The following LUC7L2 variants were observed in gnomAD, a reference collection of about 807,000 sequenced individuals.
LUC7L2 encodes LUC7 like 2, pre-mRNA splicing factor.
In LUC7L2, 25 loss-of-function variants were observed where a neutral mutation model predicts 52.8. The observed-to-expected ratio is 0.47, with a 90% confidence interval of 0.34 to 0.66. The LOEUF is 0.66. Among genes scored for constraint, LUC7L2 ranks in the 30% least tolerant of loss-of-function variants. The pLI, the probability that LUC7L2 is intolerant of heterozygous loss-of-function variation, is 0.01. For missense variants in LUC7L2, 328 were observed against 497.8 expected (o/e 0.66, Z 3.25); for synonymous variants, 144 against 160.9 (o/e 0.89, Z 0.80).
At chr7:139,408,910 T>G (rs1044030078) in intron 6 of LUC7L2, among the ~76,000 whole-genome samples, 1 of 149,916 alleles carries the variant, frequency 6.7e-6, no homozygotes, top group Non-Finnish European at 1.5e-5. Context: ...CACTTTGGGA[T>G]GCCAAGGTGG....
intron 2 of LUC7L2, among the ~76,000 whole-genome samples, chr7:139,377,311 T>C (rs1289757988): frequency 6.6e-6 from 1 of 152,178 alleles, no homozygotes; most frequent in Admixed American, 6.5e-5. Flanking sequence ...TTCAAGCGAT[T>C]CTCCTGCCTC....
chr7:139,363,976 C>CTTTT (rs1169793101), intron 1 of LUC7L2, among the ~76,000 whole-genome samples: 8 of 96,078 alleles, frequency 8.3e-5, no homozygotes, highest in African/African-American at 1.7e-4. Flanking sequence ...AGATTACATC[C>CTTTT]TTTTTTTTTT....
chr7:139,358,983 G>T (rs1799714493), upstream of LUC7L2: 2 of 152,332 alleles, frequency 1.3e-5, no homozygotes, highest in Non-Finnish European at 2.9e-5. Context: ...GCCCGGCAAG[G>T]AATTAATATT....
intron 7 of LUC7L2, among the ~76,000 whole-genome samples, chr7:139,410,999 A>C (rs141702092): frequency 2.6e-5 from 4 of 152,186 alleles, no homozygotes; most frequent in East Asian, 1.9e-4. Context: ...GCTTTTATCT[A>C]CTTGTTCTTT....
chr7:139,405,456 T>C (rs1416096728), intron 4 of LUC7L2, among the ~76,000 whole-genome samples, 188 bp from the exon 5 acceptor site: 6 of 152,278 alleles, frequency 3.9e-5, no homozygotes, highest in African/African-American at 4.8e-5. Context: ...CCTGACTTCA[T>C]TGAGGTAAGG....
chr7:139,407,548 A>G (rs1795179377), intron 6 of LUC7L2, among the ~76,000 whole-genome samples, 198 bp downstream of exon 6: 1 of 152,206 alleles, frequency 6.6e-6, no homozygotes, highest in African/African-American at 2.4e-5. Context: ...TTATCCTGTT[A>G]TTTTGGGAGT....
At position 139,422,598 on chromosome 7, in the gene LUC7L2, T is replaced by C; in HGVS notation, c.*258T>C. The C allele has an allele frequency of 1.4e-6, 1 of 722,158 alleles. No homozygotes were observed. The highest frequency in any genetic ancestry group is 1.9e-6 in the Non-Finnish European group (1 of 521,008). The allele number at this position is 722,158 out of a possible 1,614,324, so 44.7% of individuals were successfully genotyped here. A position where few individuals can be genotyped will look rare whatever the true frequency, so the allele number is the denominator to read the frequency against. On this transcript the variant is annotated 3_prime_UTR_variant, in exon 10 of 10. Transcript: ENST00000354926. ...AATAAGATGCTGATCTCTTTATTCTTTCAAGTAAGAGTGCTAGTGAACAAA... is the reference window on the plus strand; with the variant it reads ...AATAAGATGCTGATCTCTTTATTCTCTCAAGTAAGAGTGCTAGTGAACAAA...
intron 1 of LUC7L2, among the ~76,000 whole-genome samples, chr7:139,372,167 C>G (rs1047664586): frequency 6.6e-6 from 1 of 152,050 alleles, no homozygotes; most frequent in Non-Finnish European, 1.5e-5. Flanking sequence ...ACAGAGAGAT[C>G]TCCATGTTTT....
intron 2 of LUC7L2, among the ~76,000 whole-genome samples, chr7:139,380,442 A>C (rs1157117199): frequency 6.6e-6 from 1 of 151,686 alleles, no homozygotes; most frequent in African/African-American, 2.4e-5. Context: ...TGCTAAAAAT[A>C]CAAAAAAAGT....
In LUC7L2 at chr7:139,423,447, G is replaced by A. The variant is rs1795979337; in HGVS notation, c.*1107G>A. The A allele has an allele frequency of 2.5e-6, 1 of 398,738 alleles. No homozygotes were observed. Among genetic ancestry groups the A allele is most frequent in the Admixed American group, 4.4e-5 (1 of 22,704 alleles). The allele number at this position is 398,738 out of a possible 1,614,324, so 24.7% of individuals were successfully genotyped here. A position where few individuals can be genotyped will look rare whatever the true frequency, so the allele number is the denominator to read the frequency against. On this transcript the variant is annotated 3_prime_UTR_variant, in exon 10 of 10. Transcript: ENST00000354926. ...ACAAACCCAAATAAAAACAGTATATGTAACCAACATAATGAGACTTAAGTT... is the reference window on the plus strand; with the variant it reads ...ACAAACCCAAATAAAAACAGTATATATAACCAACATAATGAGACTTAAGTT...
At chr7:139,414,862 C>CTCTTA (rs1554397793) in intron 8 of LUC7L2, among the ~76,000 whole-genome samples, 2 of 151,606 alleles carry the variant, frequency 1.3e-5, no homozygotes, top group Admixed American at 6.6e-5. Context: ...CCACTCTTTT[C>CTCTTA]TCTTTTTCCA....
In LUC7L2 at chr7:139,423,448, T is replaced by G. The variant is rs537440248; in HGVS notation, c.*1108T>G. On this transcript the variant is annotated 3_prime_UTR_variant, in exon 10 of 10. Transcript: ENST00000354926. ...CAAACCCAAATAAAAACAGTATATG[T>G]AACCAACATAATGAGACTTAAGTTT... The G allele has an allele frequency of 7.5e-6, 3 of 398,900 alleles. No homozygotes were observed. The South Asian group carries it at 3.8e-4, about 51-fold the overall frequency. 24.7% of individuals were successfully genotyped at this position (398,900 alleles called of 1,614,324 possible).
intron 1 of LUC7L2, among the ~76,000 whole-genome samples, chr7:139,347,628 A>T (rs1373597684): frequency 2.6e-5 from 4 of 152,196 alleles, no homozygotes; most frequent in South Asian, 4.1e-4. Flanking sequence ...CTCTTCTAAG[A>T]GGTTAACATT....
chr7:139,373,076 G>T (rs949296233), intron 1 of LUC7L2, among the ~76,000 whole-genome samples: 1 of 152,144 alleles, frequency 6.6e-6, no homozygotes, highest in African/African-American at 2.4e-5. Context: ...CCTATTTGCA[G>T]TTCTTTCTTC....
In LUC7L2 at chr7:139,422,993, T is replaced by A. The variant is rs9683; in HGVS notation, c.*653T>A. On this transcript the variant is annotated 3_prime_UTR_variant, in exon 10 of 10. Transcript: ENST00000354926. ...GAAATTTTGAAATCAAACGTCTTGA[T>A]TTTTCTGTTCTGTTGAATTGCTATG... 0.31 allele frequency: 122,068 copies of A among 398,570 alleles called. 25,097 individuals carry two copies. Among genetic ancestry groups the A allele is most frequent in the African/African-American group, 0.76 (36,969 of 48,500 alleles). 24.7% of individuals were successfully genotyped at this position (398,570 alleles called of 1,614,324 possible).
chr7:139,366,903 A>G (rs1488263477), intron 1 of LUC7L2, among the ~76,000 whole-genome samples: 1 of 152,206 alleles, frequency 6.6e-6, no homozygotes, highest in Non-Finnish European at 1.5e-5. Context: ...GATACACATT[A>G]AAAGTTTGAG....
At chr7:139,369,358 C>G (rs528955826) in intron 1 of LUC7L2, among the ~76,000 whole-genome samples, 10 of 152,050 alleles carry the variant, frequency 6.6e-5, no homozygotes, top group African/African-American at 9.7e-5. Flanking sequence ...AGTAACTATT[C>G]AGGCTTTTCT....
chr7:139,383,039 C>T (rs1415050026), intron 2 of LUC7L2, among the ~76,000 whole-genome samples: 2 of 152,188 alleles, frequency 1.3e-5, no homozygotes, highest in Non-Finnish European at 1.5e-5. Context: ...AATTCTCCTG[C>T]CTCACCCTTC....
chr7:139,418,183 T>C (rs968942826), intron 9 of LUC7L2, among the ~76,000 whole-genome samples: 3 of 151,496 alleles, frequency 2.0e-5, no homozygotes, highest in African/African-American at 7.3e-5. Flanking sequence ...TTATCTGCAC[T>C]ATAGATATGT....
Sources: gnomAD v4.1 joint callset for allele counts (sites outside exome capture counted in the v4.1 genomes callset) on GRCh38, gnomAD v4.1.1 for gene constraint, MANE v1.5 for transcripts, NCBI Gene and HGNC (gene_info 2026-07-23, HGNC 2026-07-21) for gene names.